Variants in MYRIP observed in about 807,000 individuals in gnomAD.
MYRIP encodes the protein rab effector MyRIP.
Under a neutral mutation model 98.0 loss-of-function variants are expected in MYRIP, and 49 were observed. The ratio of observed to expected loss-of-function variants is 0.50; its 90% CI spans 0.40 to 0.63. The LOEUF (loss-of-function observed/expected upper bound fraction) is 0.63. MYRIP is among the 30% of genes least tolerant of loss of function. The probability of loss-of-function intolerance (pLI) is 0.00; values close to 1 mark genes in which losing one functional copy is unlikely to be tolerated. For missense variants in MYRIP, 1,004 were observed against 1,058.2 expected (o/e 0.95, Z 0.71); for synonymous variants, 404 against 409.5 (o/e 0.99, Z 0.16).
At chr3:39,861,858 C>A (rs896600794) in intron 1 of MYRIP, among the ~76,000 whole-genome samples, 1 of 152,160 alleles carries the variant, frequency 6.6e-6, no homozygotes, top group Non-Finnish European at 1.5e-5. Flanking sequence ...GAGATCAAAT[C>A]TACAACTCAT....
chr3:40,121,914 A>G (rs1208770985), intron 3 of MYRIP, among the ~76,000 whole-genome samples: 1 of 152,200 alleles, frequency 6.6e-6, no homozygotes, highest in East Asian at 1.9e-4. Context: ...ATATGTTTGT[A>G]TGTATTTTTA....
intron 3 of MYRIP, among the ~76,000 whole-genome samples, chr3:40,055,451 G>A (rs1947865743): frequency 6.6e-6 from 1 of 152,104 alleles, no homozygotes; most frequent in South Asian, 2.1e-4. Flanking sequence ...TAAATTAGGG[G>A]AGAAAAATCA....
intron 3 of MYRIP, among the ~76,000 whole-genome samples, chr3:40,046,387 A>T (rs1052566534): frequency 6.6e-6 from 1 of 151,834 alleles, no homozygotes; most frequent in African/African-American, 2.4e-5. Flanking sequence ...TGTCTTCTTC[A>T]TTTGTAGCAC....
intron 16 of MYRIP, among the ~76,000 whole-genome samples, chr3:40,253,960 C>T (rs1156873100): frequency 6.6e-6 from 1 of 152,130 alleles, no homozygotes; most frequent in Non-Finnish European, 1.5e-5. Flanking sequence ...ATTCTGTTTT[C>T]AGTCCATATT....
chr3:40,189,966 T>G lies in MYRIP; in HGVS notation c.1168T>G (p.Tyr390Asp), dbSNP rs1160142080. 6 of 1,614,022 alleles carry G rather than the reference T, an allele frequency of 3.7e-6. No individual in the cohort carries two copies. The highest frequency in any genetic ancestry group is 5.1e-6 in the Non-Finnish European group (6 of 1,180,014). ...GGTGGCCTCCAGTGTGGCATCTGCC[T>G]ACGATGAGATGGGCTCCGATAGCGA... ...LEVASSVASAYDEMGSDSEED... is the reference protein window; with the variant it reads ...LEVASSVASADDEMGSDSEED... The change falls in exon 10 of 17, where the codon TAC becomes GAC. Residue 390 changes from tyrosine (Y) to aspartate (D), a missense_variant. Tyr to Asp is a radical substitution (Grantham distance 160, BLOSUM62 -3). Transcript: ENST00000302541.
chr3:40,015,686 C>G (rs1004252851), intron 2 of MYRIP, among the ~76,000 whole-genome samples: 8 of 152,236 alleles, frequency 5.3e-5, no homozygotes, highest in Non-Finnish European at 1.2e-4. Flanking sequence ...CTGTTCCTCC[C>G]TCAGCCCTCA....
chr3:40,131,240 T>C (rs1949631989), intron 3 of MYRIP, among the ~76,000 whole-genome samples: 1 of 152,192 alleles, frequency 6.6e-6, no homozygotes, highest in African/African-American at 2.4e-5. Flanking sequence ...AAGCAAAGCT[T>C]GGTAGTGTTT....
chr3:39,923,235 T>G (rs916786869), intron 2 of MYRIP, among the ~76,000 whole-genome samples: 4 of 151,990 alleles, frequency 2.6e-5, no homozygotes, highest in African/African-American at 9.7e-5. Flanking sequence ...TTTATATTAT[T>G]AGAGTTACAG....
chr3:39,816,551 C>T (rs1357308281), intron 1 of MYRIP, among the ~76,000 whole-genome samples: 1 of 152,080 alleles, frequency 6.6e-6, no homozygotes, highest in African/African-American at 2.4e-5. Flanking sequence ...GTGCCTGGCA[C>T]TTAAGTCTTA....
At chr3:39,939,508 A>G (rs959216888) in intron 2 of MYRIP, among the ~76,000 whole-genome samples, 1 of 152,188 alleles carries the variant, frequency 6.6e-6, no homozygotes, top group African/African-American at 2.4e-5. Context: ...ACGTGTGTGT[A>G]AGTTAGAAAG....
intron 1 of MYRIP, among the ~76,000 whole-genome samples, chr3:39,823,130 C>G (rs1337248084): frequency 6.6e-6 from 1 of 151,470 alleles, no homozygotes; most frequent in African/African-American, 2.4e-5. Flanking sequence ...AGTGTTTCTC[C>G]TGCCTCAGCC....
At chr3:40,029,648 G>A (rs139606960) in intron 2 of MYRIP, among the ~76,000 whole-genome samples, 3 of 152,144 alleles carry the variant, frequency 2.0e-5, no homozygotes, top group African/African-American at 7.2e-5. Context: ...CTAATAAAAT[G>A]TAGGGTTTAA....
At chr3:40,018,884 G>A (rs1307097130) in intron 2 of MYRIP, among the ~76,000 whole-genome samples, 4 of 152,096 alleles carry the variant, frequency 2.6e-5, no homozygotes, top group Non-Finnish European at 2.9e-5. Context: ...CTATCTAACA[G>A]CCCATACCAG....
chr3:39,976,892 G>A lies in MYRIP; in HGVS notation c.111-67158G>A, dbSNP rs558016940. 1.5e-4 allele frequency among the ~76,000 whole-genome samples: 23 copies of A among 152,188 alleles called. No individual in the cohort carries two copies. In the South Asian group the frequency reaches 1.9e-3, roughly 12 times the overall value. Reference sequence around the variant, plus strand: ...AGGGGAACATCACACACCAGGGCCCGTTGTGGGAGGAGGGGAGTGGGGAGG... The same window carrying A: ...AGGGGAACATCACACACCAGGGCCCATTGTGGGAGGAGGGGAGTGGGGAGG... On this transcript the variant is annotated intron_variant, in intron 2 of 16. Transcript: ENST00000302541.
At chr3:40,101,993 C>CTTTTTCTTTATTGGG (rs1275817618) in intron 3 of MYRIP, among the ~76,000 whole-genome samples, 1 of 152,118 alleles carries the variant, frequency 6.6e-6, no homozygotes, top group Non-Finnish European at 1.5e-5. Context: ...GGAGAACTGT[C>CTTTTTCTTTATTGGG]AGTAGGTCTT....
chr3:40,121,565 C>T (rs1355413915), intron 3 of MYRIP, among the ~76,000 whole-genome samples: 14 of 152,076 alleles, frequency 9.2e-5, no homozygotes. Context: ...TTGGGTGCCA[C>T]CCTCTCCTCC....
chr3:40,033,223 A>C (rs1440063059), intron 2 of MYRIP, among the ~76,000 whole-genome samples: 2 of 143,852 alleles, frequency 1.4e-5, no homozygotes, highest in East Asian at 2.0e-4. Flanking sequence ...TGGCCAGGGC[A>C]ATTAGCCAGG....
chr3:40,245,184 G>A (rs1466617776), intron 13 of MYRIP, among the ~76,000 whole-genome samples: 1 of 152,210 alleles, frequency 6.6e-6, no homozygotes, highest in Non-Finnish European at 1.5e-5. Flanking sequence ...GGCTATTTCA[G>A]AACTGATTGA....
intron 2 of MYRIP, among the ~76,000 whole-genome samples, chr3:39,906,091 T>C (rs1943872400): frequency 6.6e-6 from 1 of 151,936 alleles, no homozygotes; most frequent in Non-Finnish European, 1.5e-5. Flanking sequence ...CCTTCTATCA[T>C]GATTATCATG....
Sources: allele counts gnomAD v4.1 joint callset (sites outside exome capture counted in the v4.1 genomes callset), GRCh38; gene constraint gnomAD v4.1.1; transcripts MANE v1.5; gene names NCBI Gene and HGNC (gene_info 2026-07-23, HGNC 2026-07-21).